COL6A5: variants seen among roughly 807,000 people sequenced by gnomAD.
COL6A5 encodes the protein collagen alpha-5(VI) chain.
In COL6A5, 48 loss-of-function variants were observed where a neutral mutation model predicts 65.6. The observed-to-expected ratio is 0.73, with a 90% CI of 0.58 to 0.93. COL6A5 has a LOEUF of 0.93. Among genes scored for constraint, COL6A5 ranks in the 40% least tolerant of loss-of-function variants. COL6A5 has a pLI of 0.00. For synonymous variants in COL6A5, 291 were observed against 322.8 expected, an observed-to-expected ratio of 0.90 and a Z score of 1.05; for missense variants, 914 against 928.3, an observed-to-expected ratio of 0.98 and a Z score of 0.20.
chr3:130,436,881 G>A (rs891448899), intron 1 of COL6A5, among the ~76,000 whole-genome samples: 1 of 151,952 alleles, frequency 6.6e-6, no homozygotes, highest in African/African-American at 2.4e-5. Flanking sequence ...CCAGACTCAG[G>A]GTTTTAAATG....
chr3:130,395,759 G>A (rs1001555756), intron 8 of COL6A5, among the ~76,000 whole-genome samples: 6 of 152,116 alleles, frequency 3.9e-5, no homozygotes, highest in African/African-American at 1.4e-4. Flanking sequence ...TTTAACACCT[G>A]GATCTCTCTC....
At chr3:130,359,842 A>G (rs946100301) in intron 1 of COL6A5, among the ~76,000 whole-genome samples, 2 of 152,108 alleles carry the variant, frequency 1.3e-5, no homozygotes, top group Non-Finnish European at 2.9e-5. Flanking sequence ...CTTTACAGAA[A>G]AGTTTAGCTT....
chr3:130,364,514 G>A (rs1489363565), intron 1 of COL6A5, among the ~76,000 whole-genome samples: 1 of 152,188 alleles, frequency 6.6e-6, no homozygotes, highest in Non-Finnish European at 1.5e-5. Context: ...ATTAAAAAAT[G>A]GTGATGGTGA....
rs180691143 is a variant in COL6A5 at position 130,452,506 on chromosome 3, A to C, written c.1333-2949A>C. On this transcript the variant is annotated intron_variant, in intron 4 of 7. Transcript: ENST00000512836. Reference sequence around the variant, plus strand: ...TGCCCCACAAGCCGCAAAACCAGCAAGTTTTTATTTGGGATTTTCAAAAGG... The same window carrying C: ...TGCCCCACAAGCCGCAAAACCAGCACGTTTTTATTTGGGATTTTCAAAAGG... Among the ~76,000 whole-genome samples the C allele has an allele frequency of 2.7e-4, 41 of 152,272 alleles. No homozygotes were observed. In the East Asian group the frequency reaches 7.7e-3, roughly 29 times the overall value.
chr3:130,428,025 TCAAATTATGTCTTCCCAAAGAAGAC>T (rs1937643723), upstream of COL6A5, among the ~76,000 whole-genome samples: 1 of 152,026 alleles, frequency 6.6e-6, no homozygotes, highest in Non-Finnish European at 1.5e-5. Flanking sequence ...CTCAGTGAAA[TCAAATTATGTCTTCCCAAAGAAGAC>T]CAAAGGTAGG....
chr3:130,408,863 G>A (rs1396618388), intron 17 of COL6A5, among the ~76,000 whole-genome samples: 3 of 152,172 alleles, frequency 2.0e-5, no homozygotes, highest in Non-Finnish European at 2.9e-5. Context: ...TTTTCAGTGG[G>A]CAATTTAATT....
intron 1 of COL6A5, among the ~76,000 whole-genome samples, chr3:130,360,124 T>C (rs934686423): frequency 2.6e-5 from 4 of 151,830 alleles, no homozygotes; most frequent in Non-Finnish European, 5.9e-5. Context: ...AAAAAGGAAG[T>C]TTTATGGGAA....
chr3:130,408,871 A>G (rs180693927), intron 17 of COL6A5, among the ~76,000 whole-genome samples: 22 of 152,320 alleles, frequency 1.4e-4, no homozygotes, highest in Middle Eastern at 3.4e-3. Context: ...GGGCAATTTA[A>G]TTATAGATGT....
At chr3:130,452,243 A>G (rs1362987755) in intron 4 of COL6A5, among the ~76,000 whole-genome samples, 3 of 152,112 alleles carry the variant, frequency 2.0e-5, no homozygotes, top group Non-Finnish European at 2.9e-5. Context: ...CTCCGCACCT[A>G]CCAAAGGGAA....
At chr3:130,423,862 G>A in exon 29 of COL6A5, 1 of 1,549,844 alleles carries the variant, frequency 6.5e-7, no homozygotes. Context: ...GAAAGGTGAA[G>A]AGGGATCTCG....
chr3:130,362,122 A>G (rs1054025203), intron 1 of COL6A5, among the ~76,000 whole-genome samples: 3 of 151,428 alleles, frequency 2.0e-5, no homozygotes, highest in African/African-American at 7.3e-5. Flanking sequence ...TGTATTTCAT[A>G]AGTCGTTGCC....
At chr3:130,373,734 T>C in intron 2 of COL6A5, 29 bp downstream of exon 2, 1 of 1,380,390 alleles carries the variant, frequency 7.2e-7, no homozygotes, top group Non-Finnish European at 9.9e-7. Context: ...TTTATTATTA[T>C]TTAGGAAATA....
At chr3:130,442,869 G>A (rs988159875) in intron 3 of COL6A5, among the ~76,000 whole-genome samples, 3 of 152,338 alleles carry the variant, frequency 2.0e-5, no homozygotes, top group African/African-American at 2.4e-5. Context: ...CCTTGGATCA[G>A]TCAATGGCTG....
Position 130,443,501 on chromosome 3 carries a change from GA to G in COL6A5, c.1268del (p.Met424CysfsTer11). 2 of 1,610,832 alleles carry G rather than the reference GA, an allele frequency of 1.2e-6. No individual in the cohort carries two copies. Among genetic ancestry groups the G allele is most frequent in the Non-Finnish European group, 1.7e-6 (2 of 1,177,268 alleles). On this transcript the variant is annotated frameshift_variant, in exon 4 of 8. Coordinates refer to ENST00000512836, the Ensembl canonical transcript of COL6A5. LOFTEE classifies it high-confidence loss of function. ...GGGGATTCAATCAGTACCCACCACC[GA>G]TGCTTGAGGATGCCTGTAGACTCAT...
intron 8 of COL6A5, among the ~76,000 whole-genome samples, chr3:130,395,883 A>G (rs533803760): frequency 4.3e-4 from 62 of 144,074 alleles, no homozygotes; most frequent in African/African-American, 1.6e-3. Flanking sequence ...CTTGTAAGGG[A>G]CTCGTGTGTG....
intron 29 of COL6A5, among the ~76,000 whole-genome samples, chr3:130,425,998 C>T (rs758833640): frequency 1.3e-4 from 20 of 152,110 alleles, no homozygotes; most frequent in Non-Finnish European, 2.6e-4. Context: ...TAAACATTAG[C>T]TTACCTGATC....
chr3:130,379,947 T>C (rs1935938369), exon 4 of COL6A5: 1 of 1,551,208 alleles, frequency 6.4e-7, no homozygotes, highest in African/African-American at 1.4e-5. Flanking sequence ...TGAAGTCCTA[T>C]GCAGACTTAG....
In COL6A5 at chr3:130,454,210, T is replaced by G. The variant is rs941949673; in HGVS notation, c.1333-1245T>G. Among the ~76,000 whole-genome samples the G allele has an allele frequency of 2.0e-5, 3 of 146,654 alleles. No homozygotes were observed. In the South Asian group the frequency reaches 6.8e-4, roughly 33 times the overall value. ...ACACTAACTTAATGCAATGAATGAT[T>G]CTTCTTTGTCAAAATGGAATTTTTA... On this transcript the variant is annotated intron_variant, in intron 4 of 7. Transcript: ENST00000512836.
intron 24 of COL6A5, among the ~76,000 whole-genome samples, chr3:130,418,524 C>A (rs1341289172): frequency 6.6e-6 from 1 of 152,078 alleles, no homozygotes; most frequent in South Asian, 2.1e-4. Context: ...GAGGACAGGA[C>A]CTCCCCTAAT....
Sources: allele counts gnomAD v4.1 joint callset (sites outside exome capture counted in the v4.1 genomes callset), GRCh38; gene constraint gnomAD v4.1.1; transcripts MANE v1.5; gene names NCBI Gene and HGNC (gene_info 2026-07-23, HGNC 2026-07-21).